PDE6D: variants seen among roughly 807,000 people sequenced by gnomAD.
PDE6D encodes the protein phosphodiesterase 6D.
A neutral mutation model predicts 21.9 loss-of-function variants in PDE6D; 10 were observed. That is an observed-to-expected ratio of 0.46 (90% CI 0.28 to 0.78). PDE6D has a LOEUF of 0.78. Ranked by LOEUF, PDE6D falls within the 30% of genes least tolerant of loss-of-function variation. The pLI, the probability that PDE6D is intolerant of heterozygous loss-of-function variation, is 0.12. For missense variants in PDE6D, 139 were observed against 184.8 expected (o/e 0.75, Z 1.44); for synonymous variants, 59 against 63.5 (o/e 0.93, Z 0.34).
At chr2:231,754,410 G>A (rs918147122) in intron 1 of PDE6D, among the ~76,000 whole-genome samples, 1 of 146,352 alleles carries the variant, frequency 6.8e-6, no homozygotes, top group Non-Finnish European at 1.5e-5. Flanking sequence ...AGGCTGGAGT[G>A]CAGTGGTGCG....
At chr2:231,747,683 C>T (rs890544472) in intron 1 of PDE6D, among the ~76,000 whole-genome samples, 1 of 152,164 alleles carries the variant, frequency 6.6e-6, no homozygotes, top group African/African-American at 2.4e-5. Context: ...CGAGTTCTTT[C>T]CATGGTCTAC....
chr2:231,780,794 C>A (rs1298050688), intron 1 of PDE6D, among the ~76,000 whole-genome samples: 1 of 152,166 alleles, frequency 6.6e-6, no homozygotes, highest in Non-Finnish European at 1.5e-5. Context: ...ACGCCCGGCA[C>A]CTCTCGCAGC....
chr2:231,766,993 C>CAAAAAAAAAA (rs3038045), intron 1 of PDE6D, among the ~76,000 whole-genome samples: 3 of 36,680 alleles, frequency 8.2e-5, no homozygotes, highest in Admixed American at 3.4e-4. Flanking sequence ...GACTCCGTCT[C>CAAAAAAAAAA]AAAAAAAAAA....
intron 1 of PDE6D, among the ~76,000 whole-genome samples, chr2:231,774,376 C>T (rs2049038264): frequency 6.6e-6 from 1 of 152,202 alleles, no homozygotes; most frequent in Non-Finnish European, 1.5e-5. Flanking sequence ...TGCTGAGGCT[C>T]AGAGTCTGAG....
chr2:231,741,112 T>TGAAAA (rs2048745670), intron 1 of PDE6D, among the ~76,000 whole-genome samples: 1 of 29,728 alleles, frequency 3.4e-5, no homozygotes, highest in African/African-American at 1.4e-4. Flanking sequence ...AAACCCTGTC[T>TGAAAA]CAAAAAAAAA....
intron 1 of PDE6D, among the ~76,000 whole-genome samples, chr2:231,740,245 A>T (rs1037207386): frequency 1.3e-5 from 2 of 152,198 alleles, no homozygotes; most frequent in Non-Finnish European, 1.5e-5. Flanking sequence ...ACATTAAATG[A>T]GTCAATAATA....
At chr2:231,766,054 A>G (rs1331878736) in intron 1 of PDE6D, among the ~76,000 whole-genome samples, 2 of 152,246 alleles carry the variant, frequency 1.3e-5, no homozygotes, top group East Asian at 3.8e-4. Context: ...TCTCCACCCA[A>G]TAATTTCCCA....
At chr2:231,761,652 A>G (rs759859236) in intron 1 of PDE6D, among the ~76,000 whole-genome samples, 1 of 152,250 alleles carries the variant, frequency 6.6e-6, no homozygotes, top group African/African-American at 2.4e-5. Flanking sequence ...ATCTAGCTAT[A>G]TTCATAGTTT....
At chr2:231,780,421 G>A (rs2049100951) in intron 1 of PDE6D, among the ~76,000 whole-genome samples, 1 of 152,128 alleles carries the variant, frequency 6.6e-6, no homozygotes, top group African/African-American at 2.4e-5. Context: ...AGAAGGCCAA[G>A]AGTGTTAAGA....
chr2:231,750,214 C>T lies in PDE6D; in HGVS notation c.51-11026G>A, dbSNP rs994833698. 3.3e-5 allele frequency among the ~76,000 whole-genome samples: 5 copies of T among 152,164 alleles called. No individual in the cohort carries two copies. The East Asian group carries it at 5.8e-4, about 18-fold the overall frequency. ...GCCTCCCGCCATGATTGTGAGGTCA[C>T]CCCAGCCATGTGGAACTGTAAGTCC... On this transcript the variant is annotated intron_variant, in intron 1 of 4. Coordinates refer to ENST00000287600, the MANE Select transcript of PDE6D (RefSeq NM_002601.4).
intron 1 of PDE6D, among the ~76,000 whole-genome samples, chr2:231,752,971 A>G (rs1463373709): frequency 6.6e-6 from 1 of 150,474 alleles, no homozygotes; most frequent in Non-Finnish European, 1.5e-5. Flanking sequence ...AGCTGGGACT[A>G]CAGGCGCCCG....
intron 1 of PDE6D, among the ~76,000 whole-genome samples, chr2:231,754,357 C>CTTTT (rs1032135919): frequency 1.1e-4 from 15 of 132,670 alleles, no homozygotes; most frequent in Non-Finnish European, 1.8e-4. Flanking sequence ...TGGCTTTTGT[C>CTTTT]TTTTTTTTTT....
rs1481683700 is a variant in PDE6D at position 231,739,435 on chromosome 2, A to G, written c.51-247T>C. 3 of 547,598 alleles carry G rather than the reference A, an allele frequency of 5.5e-6. No individual in the cohort carries two copies. In the African/African-American group the frequency reaches 5.7e-5, roughly 10 times the overall value. The allele number at this position is 547,598 out of a possible 1,614,324, so 33.9% of individuals were successfully genotyped here. On this transcript the variant is annotated intron_variant, in intron 1 of 4. Transcript: ENST00000287600. This position sits in a 1 kb window ranked among gnomAD's most constrained non-coding sequence, Gnocchi z 4.2. The stretch of plus-strand genomic sequence containing the variant: ...AGACTGCACACACCTAGAGACTGCA[A>G]GAAAGGGACAGAAAACGAATAGTGC...
At chr2:231,780,904 C>T (rs565450741) in intron 1 of PDE6D, among the ~76,000 whole-genome samples, 161 bp downstream of exon 1, 2 of 152,212 alleles carry the variant, frequency 1.3e-5, no homozygotes, top group Admixed American at 1.3e-4. Flanking sequence ...CCTCTCGCGC[C>T]GGGTCCCGCC....
chr2:231,746,112 G>A (rs969471905), intron 1 of PDE6D, among the ~76,000 whole-genome samples: 4 of 152,012 alleles, frequency 2.6e-5, no homozygotes, highest in African/African-American at 7.2e-5. Context: ...ATCAGCTATC[G>A]TCAGTGTATT....
At chr2:231,743,867 T>C (rs2048770731) in intron 1 of PDE6D, among the ~76,000 whole-genome samples, 1 of 152,184 alleles carries the variant, frequency 6.6e-6, no homozygotes, top group South Asian at 2.1e-4. Context: ...AAACAACAGA[T>C]ACTACTGCTC....
chr2:231,756,019 A>G (rs1293156853), intron 1 of PDE6D, among the ~76,000 whole-genome samples: 1 of 152,224 alleles, frequency 6.6e-6, no homozygotes, highest in Non-Finnish European at 1.5e-5. Flanking sequence ...GAAATGGTTA[A>G]AAGAGGTAAA....
At chr2:231,751,476 C>A (rs2048839737) in intron 1 of PDE6D, among the ~76,000 whole-genome samples, 1 of 152,158 alleles carries the variant, frequency 6.6e-6, no homozygotes. Context: ...AGAAAAGTTG[C>A]AAAATAGTAG....
At chr2:231,755,173 T>C (rs1465479349) in intron 1 of PDE6D, among the ~76,000 whole-genome samples, 1 of 152,208 alleles carries the variant, frequency 6.6e-6, no homozygotes, top group African/African-American at 2.4e-5. Context: ...ATCTCAGACT[T>C]CCAACCTCCA....
Sources: gnomAD v4.1 joint callset for allele counts (sites outside exome capture counted in the v4.1 genomes callset) on GRCh38, gnomAD v4.1.1 for gene constraint, Gnocchi (gnomAD v3.1) non-coding constraint, MANE v1.5 for transcripts, NCBI Gene and HGNC (gene_info 2026-07-23, HGNC 2026-07-21) for gene names.